Variants in CLNK observed in about 807,000 individuals in gnomAD.
CLNK encodes the protein cytokine dependent hematopoietic cell linker.
A neutral mutation model predicts 68.6 loss-of-function variants in CLNK; 74 were observed. The ratio of observed to expected loss-of-function variants is 1.08; its 90% CI spans 0.89 to 1.31. CLNK has a LOEUF of 1.31. Among genes scored for constraint, CLNK ranks in the 50% most tolerant of loss-of-function variants. The pLI, the probability that CLNK is intolerant of heterozygous loss-of-function variation, is 0.00. For missense variants in CLNK, 553 were observed against 515.3 expected (o/e 1.07, Z -0.71); for synonymous variants, 198 against 172.2 (o/e 1.15, Z -1.17).
At chr4:10,643,734 T>C (rs1189914567) in intron 2 of CLNK, among the ~76,000 whole-genome samples, 1 of 152,214 alleles carries the variant, frequency 6.6e-6, no homozygotes, top group Non-Finnish European at 1.5e-5. Flanking sequence ...ACCAATTCAG[T>C]TGTAAACTCT....
the CLNK span, among the ~76,000 whole-genome samples, chr4:10,728,354 A>G: frequency 1.3e-5 from 2 of 151,618 alleles, no homozygotes; most frequent in Admixed American, 6.6e-5. Flanking sequence ...GTGAAGAACA[A>G]ACAGGAACAA....
chr4:10,689,936 A>G, the CLNK span, among the ~76,000 whole-genome samples: 1 of 151,874 alleles, frequency 6.6e-6, no homozygotes, highest in African/African-American at 2.4e-5. Context: ...CCTTCAGGAC[A>G]CATGCTATGA....
At chr4:10,692,640 C>A in the CLNK span, among the ~76,000 whole-genome samples, 4 of 152,116 alleles carry the variant, frequency 2.6e-5, no homozygotes, top group Non-Finnish European at 1.5e-5. Flanking sequence ...AACAAGGAAA[C>A]GTTTTCAAAA....
intron 3 of CLNK, among the ~76,000 whole-genome samples, chr4:10,592,384 T>C (rs1721212682): frequency 6.6e-6 from 1 of 152,142 alleles, no homozygotes; most frequent in South Asian, 2.1e-4. Context: ...CCAGACATGT[T>C]TTAGCTCAGA....
At chr4:10,598,313 C>T (rs1721461742) in intron 2 of CLNK, among the ~76,000 whole-genome samples, 1 of 152,176 alleles carries the variant, frequency 6.6e-6, no homozygotes, top group South Asian at 2.1e-4. Context: ...CCATTCAAGA[C>T]AAGGATGTGG....
At chr4:10,629,813 A>C (rs529748777) in intron 2 of CLNK, among the ~76,000 whole-genome samples, 1 of 152,188 alleles carries the variant, frequency 6.6e-6, no homozygotes, top group Admixed American at 6.5e-5. Flanking sequence ...CTGGCTAATC[A>C]CTGGGAAATT....
At chr4:10,682,857 G>A (rs1319804796) in intron 1 of CLNK, among the ~76,000 whole-genome samples, 2 of 152,120 alleles carry the variant, frequency 1.3e-5, no homozygotes, top group Non-Finnish European at 2.9e-5. Flanking sequence ...CTATACAACT[G>A]TGGAATATTA....
chr4:10,515,184 G>T (rs958684995), intron 15 of CLNK, among the ~76,000 whole-genome samples: 1 of 152,136 alleles, frequency 6.6e-6, no homozygotes, highest in African/African-American at 2.4e-5. Flanking sequence ...GTTGCAATGA[G>T]CCGAGATCAT....
At chr4:10,621,693 A>T (rs184786691) in intron 2 of CLNK, among the ~76,000 whole-genome samples, 4 of 152,338 alleles carry the variant, frequency 2.6e-5, no homozygotes, top group Non-Finnish European at 4.4e-5. Flanking sequence ...TGTCAAGAAA[A>T]GGATGATGCG....
intron 2 of CLNK, among the ~76,000 whole-genome samples, chr4:10,620,248 A>T (rs762955334): frequency 2.0e-5 from 3 of 152,162 alleles, no homozygotes; most frequent in Non-Finnish European, 2.9e-5. Context: ...GATCCGTAGT[A>T]GCCGTAACTA....
chr4:10,557,130 A>AGG (rs1478126904), intron 8 of CLNK, among the ~76,000 whole-genome samples: 4 of 148,734 alleles, frequency 2.7e-5, no homozygotes, highest in African/African-American at 7.5e-5. Context: ...TGGAGAACTC[A>AGG]GGTTAGGGGT....
intron 16 of CLNK, among the ~76,000 whole-genome samples, chr4:10,509,402 G>A (rs947184953): frequency 2.0e-5 from 3 of 152,074 alleles, no homozygotes; most frequent in Admixed American, 6.5e-5. Flanking sequence ...CTTGTACTCT[G>A]GACACACACA....
intron 5 of CLNK, among the ~76,000 whole-genome samples, chr4:10,570,900 T>C (rs929056172): frequency 1.3e-5 from 2 of 152,240 alleles, no homozygotes; most frequent in Non-Finnish European, 2.9e-5. Flanking sequence ...TATTACTGAA[T>C]ACTTAGCATA....
intron 17 of CLNK, among the ~76,000 whole-genome samples, chr4:10,505,414 C>T (rs1199205150): frequency 2.0e-5 from 3 of 152,174 alleles, no homozygotes; most frequent in Non-Finnish European, 2.9e-5. Context: ...TGGGATGTTC[C>T]ATTTATTCTG....
At chr4:10,578,261 T>C (rs1219782027) in intron 4 of CLNK, among the ~76,000 whole-genome samples, 2 of 152,220 alleles carry the variant, frequency 1.3e-5, no homozygotes, top group African/African-American at 4.8e-5. Context: ...TGCTTTCAGA[T>C]CTATATTGAG....
chr4:10,505,207 A>G (rs2109028833), intron 17 of CLNK, among the ~76,000 whole-genome samples: 1 of 152,334 alleles, frequency 6.6e-6, no homozygotes, highest in African/African-American at 2.4e-5. Context: ...CCCTGGAAAG[A>G]GGATAGGAAG....
intron 1 of CLNK, among the ~76,000 whole-genome samples, chr4:10,679,708 A>T (rs1040024402): frequency 6.6e-6 from 1 of 152,260 alleles, no homozygotes; most frequent in Non-Finnish European, 1.5e-5. Context: ...TGGGCAAAGG[A>T]TATGAACAGA....
intron 18 of CLNK, among the ~76,000 whole-genome samples, chr4:10,493,886 G>T (rs1227053351): frequency 1.3e-5 from 2 of 152,166 alleles, no homozygotes; most frequent in African/African-American, 2.4e-5. Context: ...TGATGGTAAC[G>T]ATAGGACCTA....
chr4:10,678,919 G>A (rs879227399), intron 1 of CLNK, among the ~76,000 whole-genome samples: 13 of 152,236 alleles, frequency 8.5e-5, no homozygotes, highest in Admixed American at 3.9e-4. Flanking sequence ...AATCAATATC[G>A]TGAAAATGGC....
Sources: allele counts gnomAD v4.1 joint callset (sites outside exome capture counted in the v4.1 genomes callset), GRCh38; gene constraint gnomAD v4.1.1; transcripts MANE v1.5; gene names NCBI Gene and HGNC (gene_info 2026-07-23, HGNC 2026-07-21).